IBSP: variants seen among roughly 807,000 people sequenced by gnomAD.
IBSP encodes the protein integrin binding sialoprotein.
Under a neutral mutation model 25.5 loss-of-function variants are expected in IBSP, and 19 were observed. That is an observed-to-expected ratio of 0.74 (90% CI 0.52 to 1.09). The LOEUF is 1.09. Ranked by LOEUF, IBSP falls within the 50% of genes least tolerant of loss-of-function variation. IBSP has a pLI of 0.00. For synonymous variants in IBSP, 144 were observed against 137.6 expected, an observed-to-expected ratio of 1.05 and a Z score of -0.33; for missense variants, 360 against 382.3, an observed-to-expected ratio of 0.94 and a Z score of 0.49.
At chr4:87,809,163 C>T (rs138933640) in intron 5 of IBSP, among the ~76,000 whole-genome samples, 96 of 152,232 alleles carry the variant, frequency 6.3e-4, no homozygotes, top group South Asian at 1.5e-3. Context: ...TCTTTGTAAG[C>T]GCAAATTAGT....
chr4:87,801,329 G>A (rs180972271), intron 1 of IBSP, among the ~76,000 whole-genome samples: 269 of 152,038 alleles, frequency 1.8e-3, no homozygotes, highest in African/African-American at 5.8e-3. Context: ...GAGGAAATCT[G>A]CCCCCGATAT....
chr4:87,801,863 T>C (rs898508076), intron 1 of IBSP, among the ~76,000 whole-genome samples: 6 of 152,060 alleles, frequency 3.9e-5, no homozygotes, highest in African/African-American at 7.2e-5. Flanking sequence ...TCTCAAACTC[T>C]TGGACTCAAG....
chr4:87,811,141 G>C (rs1421159814), intron 6 of IBSP, among the ~76,000 whole-genome samples: 1 of 152,078 alleles, frequency 6.6e-6, no homozygotes, highest in African/African-American at 2.4e-5. Context: ...CCCAGGAAAG[G>C]CATTATCTTT....
In IBSP at chr4:87,811,833, T is replaced by C. The variant is rs530781770; in HGVS notation, c.877T>C (p.Tyr293His). The change falls in exon 7 of 7, where the codon TAT becomes CAT. Residue 293 changes from tyrosine (Y) to histidine (H), a missense_variant. Tyr to His is a moderately conservative substitution (Grantham distance 83, BLOSUM62 2). Transcript: ENST00000226284. ...ACCTCGTGGGGACAATTACCGAGCC[T>C]ATGAAGATGAGTACAGCTACTTTAA... ...GEPRGDNYRA[Y>H]EDEYSYFKGQ... 9.3e-6 allele frequency: 15 copies of C among 1,605,670 alleles called. No homozygotes were observed. The South Asian group carries it at 1.5e-4, about 16-fold the overall frequency.
chr4:87,810,870 A>G, intron 6 of IBSP, 106 bp downstream of exon 6: 1 of 870,732 alleles, frequency 1.1e-6, no homozygotes, highest in Non-Finnish European at 1.8e-6. Context: ...GTATCCTAAC[A>G]CTACACACAT....
intron 1 of IBSP, among the ~76,000 whole-genome samples, chr4:87,800,724 A>G (rs1055228569): frequency 6.6e-6 from 1 of 152,190 alleles, no homozygotes; most frequent in Non-Finnish European, 1.5e-5. Flanking sequence ...AGGACCCAAG[A>G]CAGTATCTCC....
rs1203104929 is a variant in IBSP at position 87,812,337 on chromosome 4, A to G, written c.*427A>G. The G allele has an allele frequency of 1.3e-5, 2 of 156,880 alleles. No homozygotes were observed. The highest frequency in any genetic ancestry group is 2.8e-5 in the Non-Finnish European group (2 of 71,482). 9.7% of individuals were successfully genotyped at this position (156,880 alleles called of 1,614,324 possible). A position where few individuals can be genotyped will look rare whatever the true frequency, so the allele number is the denominator to read the frequency against. On this transcript the variant is annotated 3_prime_UTR_variant, in exon 7 of 7. Coordinates refer to ENST00000226284, the MANE Select transcript of IBSP (RefSeq NM_004967.4). ...TTCTTAATCGCACTACCTATGCAAC[A>G]CTGTGTATTAGGTTTATCATCCTCA...
chr4:87,800,078 C>G (rs888697200), intron 1 of IBSP, among the ~76,000 whole-genome samples: 2 of 152,098 alleles, frequency 1.3e-5, no homozygotes, highest in East Asian at 1.9e-4. Flanking sequence ...TCCTATAGCT[C>G]TAAAGTCAGA....
chr4:87,811,307 T>C, intron 6 of IBSP, 55 bp from the exon 7 acceptor site: 1 of 1,540,270 alleles, frequency 6.5e-7, no homozygotes, highest in South Asian at 1.3e-5. Flanking sequence ...ATGACGGCCT[T>C]AAATTTTACA....
chr4:87,802,485 T>A, intron 2 of IBSP, 23 bp from the exon 3 acceptor site: 1 of 1,594,268 alleles, frequency 6.3e-7, no homozygotes, highest in Non-Finnish European at 8.5e-7. Flanking sequence ...AATTATGCAA[T>A]AATTAAATGT....
intron 4 of IBSP, among the ~76,000 whole-genome samples, chr4:87,803,046 G>A (rs1276079947): frequency 6.6e-6 from 1 of 152,154 alleles, no homozygotes; most frequent in Non-Finnish European, 1.5e-5. Context: ...TTTATCAGTT[G>A]TTGACCAATT....
At chr4:87,810,569 G>T in intron 5 of IBSP, 37 bp from the exon 6 acceptor site, 1 of 1,472,872 alleles carries the variant, frequency 6.8e-7, no homozygotes, top group Non-Finnish European at 9.5e-7. Flanking sequence ...TATCTTCCAG[G>T]TAAAATAATT....
In IBSP at chr4:87,811,565, A is replaced by C. The variant is rs2110058773; in HGVS notation, c.609A>C (p.Glu203Asp). The C allele has an allele frequency of 6.2e-7, 1 of 1,613,828 alleles. No individual in the cohort carries two copies. Among genetic ancestry groups the C allele is most frequent in the South Asian group, 1.1e-5 (1 of 91,018 alleles). The change falls in exon 7 of 7, where the codon GAA (glutamate) becomes GAC (aspartate). Residue 203 changes from glutamate to aspartate, a missense_variant. Glu to Asp is a conservative substitution (Grantham distance 45). Transcript: ENST00000226284. ...GAGACAATGGAGAAGAAGGGGAAGA[A>C]GAAAGTGTCACTGGAGCCAATGCAG... ...SGGDNGEEGE[E>D]ESVTGANAED...
chr4:87,808,204 C>T (rs575977311), intron 5 of IBSP, among the ~76,000 whole-genome samples: 36 of 148,062 alleles, frequency 2.4e-4, no homozygotes, highest in Admixed American at 8.7e-4. Flanking sequence ...TTTTTTGAGA[C>T]GGAGTCTCGC....
chr4:87,807,509 G>A lies in IBSP; in HGVS notation c.246+1325G>A, dbSNP rs1364676409. ...ACCCACTAAATCCCACAACATTTCT[G>A]CTGGAGTTCCACATAGCAATCTTAC... On this transcript the variant is annotated intron_variant, in intron 5 of 6. Coordinates refer to ENST00000226284, the MANE Select transcript of IBSP (RefSeq NM_004967.4). Among the ~76,000 whole-genome samples the A allele has an allele frequency of 2.0e-5, 3 of 152,168 alleles. No homozygotes were observed. In the East Asian group the frequency reaches 5.8e-4, roughly 29 times the overall value.
In IBSP at chr4:87,811,757, C is replaced by T. The variant is rs201386479; in HGVS notation, c.801C>T (p.Gly267=). 2.8e-5 allele frequency: 45 copies of T among 1,613,842 alleles called. No individual in the cohort carries two copies. The East Asian group carries it at 4.5e-4, about 16-fold the overall frequency. The stretch of plus-strand genomic sequence containing the variant: ...ACGAGGGGGAGTACGAATACACGGG[C>T]GCCAATGAATACGACAATGGATATG... ...VEYEGEYEYT[G]ANEYDNGYEI... Residue 267 remains glycine, a synonymous_variant, in exon 7 of 7, where the codon GGC becomes GGT. Transcript: ENST00000226284.
chr4:87,810,460 G>A (rs1722154977), intron 5 of IBSP, 146 bp from the exon 6 acceptor site: 2 of 632,066 alleles, frequency 3.2e-6, no homozygotes, highest in Non-Finnish European at 2.8e-6. Flanking sequence ...ATGGCATAGG[G>A]GAAGGCAGGC....
intron 1 of IBSP, among the ~76,000 whole-genome samples, chr4:87,801,762 G>A (rs554571805): frequency 3.0e-4 from 45 of 151,948 alleles, no homozygotes; most frequent in African/African-American, 1.1e-3. Context: ...TCAGCCTCTC[G>A]AGTAACTAGG....
intron 3 of IBSP, 34 bp from the exon 4 acceptor site, chr4:87,802,620 A>G (rs1032340487): frequency 1.3e-6 from 2 of 1,565,922 alleles, no homozygotes; most frequent in Non-Finnish European, 1.7e-6. Flanking sequence ...ATTGCATATT[A>G]AACATGAATA....
Sources: allele counts gnomAD v4.1 joint callset (sites outside exome capture counted in the v4.1 genomes callset), GRCh38; gene constraint gnomAD v4.1.1; transcripts MANE v1.5; gene names NCBI Gene and HGNC (gene_info 2026-07-23, HGNC 2026-07-21).